EHHADH: variants seen among roughly 807,000 people sequenced by gnomAD.
EHHADH encodes the protein peroxisomal bifunctional enzyme.
In EHHADH, 48 loss-of-function variants were observed where a neutral mutation model predicts 64.4. That is an observed-to-expected ratio of 0.75 (90% CI 0.59 to 0.95). EHHADH has a LOEUF of 0.95. Among genes scored for constraint, EHHADH ranks in the 40% least tolerant of loss-of-function variants. EHHADH has a pLI of 0.00. For missense variants in EHHADH, 854 were observed against 876.6 expected (o/e 0.97, Z 0.33); for synonymous variants, 308 against 326.7 (o/e 0.94, Z 0.62).
intron 6 of EHHADH, among the ~76,000 whole-genome samples, chr3:185,199,679 A>C (rs1718171401): frequency 1.3e-5 from 2 of 152,248 alleles, no homozygotes; most frequent in African/African-American, 4.8e-5. Flanking sequence ...TTCATAAATA[A>C]AATTTTATTG....
intron 2 of EHHADH, chr3:185,245,411 G>A: frequency 1.6e-6 from 1 of 630,698 alleles, no homozygotes; most frequent in South Asian, 2.4e-5. Flanking sequence ...TGGCAAACTG[G>A]TTTAGCCACA....
At position 185,228,906 on chromosome 3, in the gene EHHADH, C is replaced by G. The variant is rs185544771; in HGVS notation, c.463+526G>C. ...GCAACCTCCGCTTCCTGGGTTCAAGCGATTCTCCTGCCTCAGTCTCCCGAG... is the reference window on the plus strand; with the variant it reads ...GCAACCTCCGCTTCCTGGGTTCAAGGGATTCTCCTGCCTCAGTCTCCCGAG... On this transcript the variant is annotated intron_variant, in intron 4 of 6. Coordinates refer to ENST00000231887, the MANE Select transcript of EHHADH (RefSeq NM_001966.4). Among the ~76,000 whole-genome samples, 76 of 151,860 alleles carry G rather than the reference C, an allele frequency of 5.0e-4. 1 individual carries two copies. The highest frequency in any genetic ancestry group is 7.1e-4 in the Non-Finnish European group (48 of 67,942).
intron 1 of EHHADH, 175 bp downstream of exon 1, chr3:185,253,774 A>AAG (rs1553780980): frequency 3.0e-5 from 41 of 1,347,174 alleles, no homozygotes; most frequent in Non-Finnish European, 3.8e-5. Flanking sequence ...AAAAAAAAAA[A>AAG]AAGAAAAGAA....
intron 5 of EHHADH, among the ~76,000 whole-genome samples, chr3:185,215,916 C>G (rs1434650556): frequency 6.6e-6 from 1 of 151,954 alleles, no homozygotes; most frequent in Non-Finnish European, 1.5e-5. Context: ...CATTTATATT[C>G]TACACATTTT....
intron 6 of EHHADH, among the ~76,000 whole-genome samples, chr3:185,201,792 G>A (rs1198779285): frequency 2.0e-5 from 3 of 152,146 alleles, no homozygotes; most frequent in Non-Finnish European, 2.9e-5. Flanking sequence ...AAACAAACCT[G>A]AAGGCTTTTA....
At chr3:185,234,137 C>T (rs1400128651) in intron 3 of EHHADH, among the ~76,000 whole-genome samples, 4 of 152,104 alleles carry the variant, frequency 2.6e-5, no homozygotes. Flanking sequence ...TTATTTTCAT[C>T]ATTAGAAAAA....
chr3:185,204,393 C>T, intron 6 of EHHADH, 23 bp downstream of exon 6: 1 of 1,566,290 alleles, frequency 6.4e-7, no homozygotes. Flanking sequence ...TGGAGGATTC[C>T]ATTCATTACC....
chr3:185,232,474 G>A (rs1445469492), intron 3 of EHHADH, among the ~76,000 whole-genome samples: 1 of 152,146 alleles, frequency 6.6e-6, no homozygotes, highest in African/African-American at 2.4e-5. Context: ...TTGAGACAGA[G>A]TTTAGCTCTT....
intron 6 of EHHADH, among the ~76,000 whole-genome samples, chr3:185,199,686 A>G (rs1017609507): frequency 6.6e-6 from 1 of 152,384 alleles, no homozygotes; most frequent in Non-Finnish European, 1.5e-5. Context: ...ATAAAATTTT[A>G]TTGGAACACA....
intron 6 of EHHADH, among the ~76,000 whole-genome samples, chr3:185,201,266 G>A (rs1053352170): frequency 2.6e-5 from 4 of 152,280 alleles, no homozygotes; most frequent in African/African-American, 4.8e-5. Context: ...CCATAGAGAC[G>A]ATGAGGACAA....
intron 5 of EHHADH, among the ~76,000 whole-genome samples, chr3:185,211,190 C>A (rs1718531070): frequency 6.6e-6 from 1 of 152,148 alleles, no homozygotes; most frequent in Non-Finnish European, 1.5e-5. Context: ...AAGTGTATTT[C>A]TTGTATACTT....
chr3:185,226,451 C>A (rs1001048074), intron 4 of EHHADH, among the ~76,000 whole-genome samples: 2 of 152,210 alleles, frequency 1.3e-5, no homozygotes, highest in Admixed American at 1.3e-4. Flanking sequence ...GAGTTCAAGA[C>A]CAGCCTGGCC....
At chr3:185,229,401 C>G (rs749727587) in intron 4 of EHHADH, 31 bp downstream of exon 4, 18 of 1,329,348 alleles carry the variant, frequency 1.4e-5, no homozygotes, top group Non-Finnish European at 1.8e-5. Flanking sequence ...TCACACTAAT[C>G]TAGACAGTTG....
chr3:185,193,909 G>A (rs976465166), intron 6 of EHHADH, among the ~76,000 whole-genome samples: 6 of 152,138 alleles, frequency 3.9e-5, no homozygotes, highest in African/African-American at 1.4e-4. Context: ...ACAAAACATT[G>A]TTAATAGAAA....
chr3:185,226,903 ATGATTATTGTTG>A (rs1277248374), intron 4 of EHHADH: 1 of 152,216 alleles, frequency 6.6e-6, no homozygotes, highest in Non-Finnish European at 1.5e-5. Flanking sequence ...TATGACAATG[ATGATTATTGTTG>A]TGATTATTGT....
chr3:185,193,548 A>T, intron 6 of EHHADH, 61 bp from the exon 7 acceptor site: 1 of 1,554,938 alleles, frequency 6.4e-7, no homozygotes, highest in Non-Finnish European at 8.7e-7. Context: ...CTGATAAATT[A>T]TTCACTGGAT....
At chr3:185,208,392 G>T (rs184821173) in intron 5 of EHHADH, among the ~76,000 whole-genome samples, 2 of 152,322 alleles carry the variant, frequency 1.3e-5, no homozygotes, top group Admixed American at 1.3e-4. Context: ...AAAGCCAGAG[G>T]ACCTAGGACA....
At chr3:185,240,139 T>G (rs541836187) in intron 2 of EHHADH, among the ~76,000 whole-genome samples, 2 of 152,280 alleles carry the variant, frequency 1.3e-5, no homozygotes, top group Non-Finnish European at 2.9e-5. Context: ...AATATCTTTT[T>G]GAAGTGCTAT....
chr3:185,211,709 G>T (rs1718544891), intron 5 of EHHADH, among the ~76,000 whole-genome samples: 1 of 152,232 alleles, frequency 6.6e-6, no homozygotes, highest in South Asian at 2.1e-4. Flanking sequence ...GCTCAATTTA[G>T]ACATGTGCGT....
Sources: gnomAD v4.1 joint callset for allele counts (sites outside exome capture counted in the v4.1 genomes callset) on GRCh38, gnomAD v4.1.1 for gene constraint, MANE v1.5 for transcripts, NCBI Gene and HGNC (gene_info 2026-07-23, HGNC 2026-07-21) for gene names.